The following TRIO variants were observed in gnomAD, a reference collection of about 807,000 sequenced individuals.
TRIO encodes triple functional domain protein.
A neutral mutation model predicts 351.9 loss-of-function variants in TRIO; 58 were observed. That is an observed-to-expected ratio of 0.16 (90% CI 0.13 to 0.21). TRIO has a LOEUF of 0.21. Among genes scored for constraint, TRIO ranks in the 10% least tolerant of loss-of-function variants. The pLI is 1.00. For missense variants in TRIO, 3,201 were observed against 4,027.8 expected, an observed-to-expected ratio of 0.79 and a Z score of 5.56; for synonymous variants, 1,758 against 1,595.7, an observed-to-expected ratio of 1.10 and a Z score of -2.42.
At chr5:14,457,717 G>C (rs1304311050) in intron 34 of TRIO, among the ~76,000 whole-genome samples, 1 of 152,150 alleles carries the variant, frequency 6.6e-6, no homozygotes, top group African/African-American at 2.4e-5. Flanking sequence ...TGGATCTGCT[G>C]AACAGTAGGG....
At chr5:14,262,370 G>A (rs1447280329) in intron 1 of TRIO, among the ~76,000 whole-genome samples, 1 of 152,108 alleles carries the variant, frequency 6.6e-6, no homozygotes, top group African/African-American at 2.4e-5. Flanking sequence ...AGGGGGAGGT[G>A]TGGCTTCCCT....
chr5:14,466,614 A>C (rs987302719), intron 37 of TRIO, among the ~76,000 whole-genome samples: 1 of 152,356 alleles, frequency 6.6e-6, no homozygotes, highest in African/African-American at 2.4e-5. Context: ...TACTATCCCT[A>C]TAAAGACAAC....
chr5:14,320,946 C>G (rs919227275), intron 9 of TRIO, among the ~76,000 whole-genome samples: 3 of 152,194 alleles, frequency 2.0e-5, no homozygotes, highest in African/African-American at 7.2e-5. Context: ...CTTGCGACCT[C>G]TTCTGTGGTG....
intron 11 of TRIO, among the ~76,000 whole-genome samples, chr5:14,340,022 T>C (rs1156855126): frequency 1.3e-5 from 2 of 152,298 alleles, no homozygotes; most frequent in African/African-American, 4.8e-5. Context: ...GAAAAATTGC[T>C]AAAAGATACA....
At chr5:14,340,411 A>AG (rs1269936535) in intron 11 of TRIO, among the ~76,000 whole-genome samples, 4 of 151,824 alleles carry the variant, frequency 2.6e-5, no homozygotes, top group South Asian at 4.2e-4. Flanking sequence ...AAAAAAAAAA[A>AG]AAAGAAAAAG....
chr5:14,162,324 T>C (rs770530009), intron 1 of TRIO, among the ~76,000 whole-genome samples: 3 of 152,182 alleles, frequency 2.0e-5, no homozygotes, highest in African/African-American at 4.8e-5. Context: ...CATAGAGATA[T>C]TGTGTAGTGT....
intron 34 of TRIO, among the ~76,000 whole-genome samples, chr5:14,430,274 T>C (rs1579632199): frequency 6.6e-6 from 1 of 150,598 alleles, no homozygotes; most frequent in East Asian, 2.0e-4. Context: ...TCCATTCATA[T>C]AAATTATATC....
chr5:14,399,887 G>T (rs542149022), intron 30 of TRIO, among the ~76,000 whole-genome samples: 110 of 152,268 alleles, frequency 7.2e-4, no homozygotes, highest in African/African-American at 2.6e-3. Context: ...ATCAAGAAAA[G>T]AATAGAAAAT....
chr5:14,387,739 G>A lies in TRIO; in HGVS notation c.3773G>A (p.Ser1258Asn). 1 of 1,614,224 alleles carries A rather than the reference G, an allele frequency of 6.2e-7. No homozygotes were observed. Residue 1258 changes from serine to asparagine, a missense_variant, in exon 23 of 57, where the codon AGT becomes AAT. By Grantham distance (46) the Ser-to-Asn change is conservative. Transcript: ENST00000344204. ...GGCTCTGTTATTCCACAGAGTAAAA[G>A]TCTCCAGCTAGATATCATTCCAGCC... ...ISSDSNKSSK[S>N]LQLDIIPASI...
intron 8 of TRIO, among the ~76,000 whole-genome samples, chr5:14,308,126 T>C (rs1019066738): frequency 2.0e-5 from 3 of 152,160 alleles, no homozygotes; most frequent in South Asian, 2.1e-4. Context: ...TTTAGAATTT[T>C]AAAGACCTGG....
chr5:14,474,351 C>T (rs535975581), intron 40 of TRIO, among the ~76,000 whole-genome samples: 56 of 152,302 alleles, frequency 3.7e-4, no homozygotes, highest in African/African-American at 1.3e-3. Flanking sequence ...GAAGCACCAG[C>T]GTGGAGCCAG....
intron 32 of TRIO, chr5:14,406,275 C>T: frequency 1.8e-6 from 1 of 562,674 alleles, no homozygotes; most frequent in Admixed American, 3.1e-5. Flanking sequence ...TGCACATGAC[C>T]TTGGATAAGT....
At chr5:14,450,542 A>G (rs562156780) in intron 34 of TRIO, among the ~76,000 whole-genome samples, 1 of 152,142 alleles carries the variant, frequency 6.6e-6, no homozygotes, top group African/African-American at 2.4e-5. Flanking sequence ...GGATTATTTA[A>G]GAAAAAAAAA....
At chr5:14,182,645 C>T (rs1294140056) in intron 1 of TRIO, among the ~76,000 whole-genome samples, 1 of 152,300 alleles carries the variant, frequency 6.6e-6, no homozygotes, top group East Asian at 1.9e-4. Context: ...TTAATTATTA[C>T]ACTTGCTGTA....
rs148744330 is a variant in TRIO, at chr5:14,405,697, G to A, written c.4717-151G>A. The A allele has an allele frequency of 5.0e-4, 415 of 828,472 alleles. No homozygotes were observed. In the African/African-American group the frequency reaches 6.5e-3, roughly 13 times the overall value. The allele number at this position is 828,472 out of a possible 1,614,324, so 51.3% of individuals were successfully genotyped here. A position where few individuals can be genotyped will look rare whatever the true frequency, so the allele number is the denominator to read the frequency against. On this transcript the variant is annotated intron_variant, in intron 31 of 56. Transcript: ENST00000344204. ...GTATTTTTAAATAGTCATTTATTTG[G>A]TAGCATATTAAACGTCGGATGTGGT...
chr5:14,347,496 C>G (rs1742528767), intron 11 of TRIO, among the ~76,000 whole-genome samples: 1 of 152,250 alleles, frequency 6.6e-6, no homozygotes, highest in Non-Finnish European at 1.5e-5. Context: ...GTAACCTATT[C>G]AGGACTTTTA....
chr5:14,447,657 T>C (rs1472749364), intron 34 of TRIO, among the ~76,000 whole-genome samples: 2 of 152,190 alleles, frequency 1.3e-5, no homozygotes, highest in Non-Finnish European at 2.9e-5. Context: ...GTATCCTCTT[T>C]AACAAAGCAG....
chr5:14,454,888 C>T (rs112612702), intron 34 of TRIO, among the ~76,000 whole-genome samples: 1 of 152,162 alleles, frequency 6.6e-6, no homozygotes, highest in Non-Finnish European at 1.5e-5. Flanking sequence ...TTTGGAGTTT[C>T]TTCCTTTTGG....
chr5:14,151,636 A>G (rs1427395078), intron 1 of TRIO, among the ~76,000 whole-genome samples: 1 of 152,248 alleles, frequency 6.6e-6, no homozygotes, highest in Non-Finnish European at 1.5e-5. Flanking sequence ...TGATGTGCAT[A>G]TGAGAAGTCG....
Sources: allele counts gnomAD v4.1 joint callset (sites outside exome capture counted in the v4.1 genomes callset), GRCh38; gene constraint gnomAD v4.1.1; transcripts MANE v1.5; gene names NCBI Gene and HGNC (gene_info 2026-07-23, HGNC 2026-07-21).